The following BTBD8 variants were observed in gnomAD, a reference collection of about 807,000 sequenced individuals.
The protein encoded by BTBD8 is BTB/POZ domain-containing protein 8.
A neutral mutation model predicts 162.9 loss-of-function variants in BTBD8; 110 were observed. The observed-to-expected ratio is 0.68, with a 90% CI of 0.58 to 0.79. The LOEUF (loss-of-function observed/expected upper bound fraction) is 0.79. Ranked by LOEUF, BTBD8 falls within the 30% of genes least tolerant of loss-of-function variation. BTBD8 has a pLI of 0.00. For missense variants in BTBD8, 1,905 were observed against 2,085.4 expected (o/e 0.91, Z 1.68); for synonymous variants, 667 against 716.1 (o/e 0.93, Z 1.10).
At chr1:92,150,744 A>G (rs908913870) in intron 9 of BTBD8, 4 of 152,198 alleles carry the variant, frequency 2.6e-5, no homozygotes, top group African/African-American at 9.7e-5. Flanking sequence ...ATGCCAGTTC[A>G]CTAAATGTGC....
intron 5 of BTBD8, among the ~76,000 whole-genome samples, chr1:92,133,693 G>A (rs939410178): frequency 6.6e-6 from 1 of 152,200 alleles, no homozygotes; most frequent in African/African-American, 2.4e-5. Context: ...TAATCTGGCC[G>A]GGCACAGTGG....
intron 9 of BTBD8, among the ~76,000 whole-genome samples, chr1:92,159,053 G>C (rs1650225660): frequency 6.6e-6 from 1 of 151,962 alleles, no homozygotes; most frequent in South Asian, 2.1e-4. Flanking sequence ...ACTGTGCCCA[G>C]CCAAAATCTT....
chr1:92,098,319 G>C (rs978696772), intron 2 of BTBD8, among the ~76,000 whole-genome samples: 8 of 152,078 alleles, frequency 5.3e-5, no homozygotes, highest in South Asian at 2.1e-4. Flanking sequence ...TGTTTACCCA[G>C]TCATCAGATG....
rs903244017 is a variant in BTBD8 at position 92,177,664 on chromosome 1, T to C, written c.2353+118T>C. On this transcript the variant is annotated intron_variant, in intron 14 of 17. Transcript: ENST00000636805. ...GTTTCAGATGCCAACAGAATACTTA[T>C]GTATATGTACTTATGCAAACAGAGA... The C allele has an allele frequency of 7.3e-6, 6 of 822,264 alleles. No individual in the cohort carries two copies. In the East Asian group the frequency reaches 8.0e-5, roughly 11 times the overall value. 50.9% of individuals were successfully genotyped at this position (822,264 alleles called of 1,614,324 possible).
At position 92,167,938 on chromosome 1, in the gene BTBD8, C is replaced by G. The variant is rs369486791; in HGVS notation, c.1396C>G (p.Leu466Val). ...CACCACTGAAAATAGCTGCTCTCTT[C>G]TTATGGCTCTGGACACACTGCTGAA... ...NITTENSCSL[L>V]MALDTLLNSD... The change falls in exon 11 of 18, where the codon CTT becomes GTT. Residue 466 changes from leucine to valine, a missense_variant. Transcript: ENST00000636805. 1 of 1,550,952 alleles carries G rather than the reference C, an allele frequency of 6.4e-7. No individual in the cohort carries two copies. The highest frequency in any genetic ancestry group is 2.4e-5 in the East Asian group (1 of 40,894).
chr1:92,142,011 A>G (rs1570741879), intron 7 of BTBD8, among the ~76,000 whole-genome samples: 1 of 152,106 alleles, frequency 6.6e-6, no homozygotes, highest in Non-Finnish European at 1.5e-5. Context: ...GTCTTTTTCT[A>G]CCTCCCTACA....
chr1:92,167,469 G>A (rs1650414538), intron 10 of BTBD8, among the ~76,000 whole-genome samples: 1 of 152,186 alleles, frequency 6.6e-6, no homozygotes, highest in African/African-American at 2.4e-5. Context: ...TATGATCCAT[G>A]CAGAATTCTC....
chr1:92,183,422 C>T (rs1314897910), intron 17 of BTBD8, among the ~76,000 whole-genome samples: 1 of 152,068 alleles, frequency 6.6e-6, no homozygotes. Context: ...TTGCATCTTC[C>T]TTTGCATGTG....
chr1:92,167,538 T>C (rs1570753971), intron 10 of BTBD8, among the ~76,000 whole-genome samples: 2 of 152,286 alleles, frequency 1.3e-5, no homozygotes, highest in South Asian at 2.1e-4. Context: ...CTATTGTTTA[T>C]TTCTAGGTTC....
intron 10 of BTBD8, 59 bp from the exon 11 acceptor site, chr1:92,167,789 C>A: frequency 7.5e-7 from 1 of 1,337,104 alleles, no homozygotes; most frequent in Non-Finnish European, 1.0e-6. Context: ...GCCAGACTTT[C>A]ACATTTCTTG....
At chr1:92,109,134 G>A (rs951738768) in intron 4 of BTBD8, among the ~76,000 whole-genome samples, 12 of 152,060 alleles carry the variant, frequency 7.9e-5, no homozygotes, top group African/African-American at 2.7e-4. Context: ...TGTGAAATCT[G>A]CATTAAAGGT....
chr1:92,080,438 G>A lies in BTBD8; in HGVS notation c.-134G>A. The A allele has an allele frequency of 1.5e-6, 2 of 1,302,896 alleles. No individual in the cohort carries two copies. Among genetic ancestry groups the A allele is most frequent in the Non-Finnish European group, 2.1e-6 (2 of 965,696 alleles). 80.7% of individuals were successfully genotyped at this position (1,302,896 alleles called of 1,614,324 possible). A position where few individuals can be genotyped will look rare whatever the true frequency, so the allele number is the denominator to read the frequency against. On this transcript the variant is annotated 5_prime_UTR_variant, in exon 1 of 18. Transcript: ENST00000636805. ...GAGACTGTCTACAAACCGACGAGAG[G>A]CGTCAACCTTTTACCCTAGGGGGCG...
intron 16 of BTBD8, among the ~76,000 whole-genome samples, 197 bp from the exon 17 acceptor site, chr1:92,180,068 T>G (rs1156800525): frequency 6.6e-6 from 1 of 152,190 alleles, no homozygotes. Context: ...TCTATATTTT[T>G]AATTGAAAAA....
intron 5 of BTBD8, among the ~76,000 whole-genome samples, chr1:92,133,438 C>T (rs1335970535): frequency 6.6e-6 from 1 of 152,164 alleles, no homozygotes; most frequent in Non-Finnish European, 1.5e-5. Context: ...GGGCCTTTCC[C>T]AATACCAGGA....
intron 13 of BTBD8, among the ~76,000 whole-genome samples, chr1:92,174,459 C>T (rs1650644794): frequency 6.6e-6 from 1 of 152,024 alleles, no homozygotes; most frequent in Non-Finnish European, 1.5e-5. Context: ...TGAAATTTTT[C>T]AAGGCATACA....
At chr1:92,138,201 C>T (rs552339653) in intron 5 of BTBD8, among the ~76,000 whole-genome samples, 1 of 152,012 alleles carries the variant, frequency 6.6e-6, no homozygotes, top group Non-Finnish European at 1.5e-5. Flanking sequence ...GTGCTTTTGC[C>T]CCCCACAACT....
At chr1:92,175,879 T>A (rs139453600) in intron 13 of BTBD8, among the ~76,000 whole-genome samples, 2 of 152,270 alleles carry the variant, frequency 1.3e-5, no homozygotes, top group East Asian at 3.9e-4. Context: ...ACTTAAAAAT[T>A]TTCTTTGTTC....
At chr1:92,139,277 A>G (rs1463320384) in intron 5 of BTBD8, 73 bp from the exon 6 acceptor site, 9 of 1,476,198 alleles carry the variant, frequency 6.1e-6, no homozygotes, top group African/African-American at 4.4e-5. Flanking sequence ...CTCGAAGTTT[A>G]TGGGAAAATA....
chr1:92,172,461 C>G (rs1650576569), intron 13 of BTBD8, among the ~76,000 whole-genome samples: 1 of 152,078 alleles, frequency 6.6e-6, no homozygotes, highest in African/African-American at 2.4e-5. Flanking sequence ...TGTTTTTGAC[C>G]ACCCACAAGG....
Sources: gnomAD v4.1 joint callset for allele counts (sites outside exome capture counted in the v4.1 genomes callset) on GRCh38, gnomAD v4.1.1 for gene constraint, MANE v1.5 for transcripts, NCBI Gene and HGNC (gene_info 2026-07-23, HGNC 2026-07-21) for gene names.